Variants in SDK2 observed in about 807,000 individuals in gnomAD.
The protein encoded by SDK2 is protein sidekick-2.
Under a neutral mutation model 253.9 loss-of-function variants are expected in SDK2, and 105 were observed. The observed-to-expected ratio is 0.41, with a 90% CI of 0.35 to 0.49. SDK2 has a LOEUF of 0.49. Among genes scored for constraint, SDK2 ranks in the 20% least tolerant of loss-of-function variants. The probability of loss-of-function intolerance (pLI) is 0.06; values close to 1 mark genes in which losing one functional copy is unlikely to be tolerated. For missense variants in SDK2, 2,608 were observed against 3,003.0 expected, an observed-to-expected ratio of 0.87 and a Z score of 3.07; for synonymous variants, 1,249 against 1,234.9, an observed-to-expected ratio of 1.01 and a Z score of -0.24.
intron 6 of SDK2, 49 bp from the exon 7 acceptor site, chr17:73,438,203 G>C: frequency 6.7e-7 from 1 of 1,500,198 alleles, no homozygotes; most frequent in Non-Finnish European, 9.0e-7. Context: ...GACTCCCAGA[G>C]GCCTGAGAGG....
intron 44 of SDK2, 141 bp downstream of exon 44, chr17:73,348,458 T>G: frequency 9.8e-7 from 1 of 1,019,136 alleles, no homozygotes; most frequent in Non-Finnish European, 1.4e-6. Flanking sequence ...GGCCCATATA[T>G]GACTTCAGGG....
Position 73,552,058 on chromosome 17 carries a change from C to T in SDK2, c.65-44461G>A, listed in dbSNP as rs184802456. 2.9e-3 allele frequency among the ~76,000 whole-genome samples: 438 copies of T among 152,244 alleles called. 6 individuals are homozygous for T. Among genetic ancestry groups the T allele is most frequent in the East Asian group, 0.01 (52 of 5,180 alleles). On this transcript the variant is annotated intron_variant, in intron 1 of 44. Transcript: ENST00000392650. Reference sequence around the variant, plus strand: ...AGAGTCAGGCAGGTGCCGCTGCAGTCCCCACCGCCTGCCCCCCACCCCTCG... The same window carrying T: ...AGAGTCAGGCAGGTGCCGCTGCAGTTCCCACCGCCTGCCCCCCACCCCTCG...
chr17:73,531,220 A>G (rs2064166620), intron 1 of SDK2, among the ~76,000 whole-genome samples: 2 of 152,184 alleles, frequency 1.3e-5, no homozygotes, highest in Admixed American at 6.5e-5. Context: ...GAATAAGTCA[A>G]CTGTATTTTG....
chr17:73,394,127 G>T, intron 26 of SDK2, 82 bp downstream of exon 26: 1 of 798,380 alleles, frequency 1.3e-6, no homozygotes. Flanking sequence ...AGACCTAGAG[G>T]GTGATAAGGA....
chr17:73,379,475 G>A lies in SDK2; in HGVS notation c.4837C>T (p.Pro1613Ser), dbSNP rs2062812513. 1 of 1,610,884 alleles carries A rather than the reference G, an allele frequency of 6.2e-7. No individual in the cohort carries two copies. The highest frequency in any genetic ancestry group is 1.3e-5 in the African/African-American group (1 of 74,872). Reference protein sequence around the residue: ...NAVGEGPSSPPQEVFVGEAVP... With the variant: ...NAVGEGPSSPSQEVFVGEAVP... ...GCCTCCCCAACAAAGACCTCCTGCG[G>A]GGGGCTGGAGGGCCCCTCACCCACA... Residue 1613 changes from proline (P) to serine (S), a missense_variant, in exon 35 of 45, where the codon CCG becomes TCG. Physicochemically the swap from Pro to Ser is moderately conservative, Grantham distance 74. This residue lies in a region of SDK2 where 1,103 missense variants were observed against 1,143.9 expected (regional missense o/e 0.96). Coordinates refer to ENST00000392650, the MANE Select transcript of SDK2 (RefSeq NM_001144952.2). This position sits in a 1 kb window ranked among gnomAD's most constrained non-coding sequence, Gnocchi z 4.5.
In SDK2 at chr17:73,348,471, G is replaced by A. The variant is rs1227791045; in HGVS notation, c.6165+128C>T. The A allele has an allele frequency of 2.5e-6, 3 of 1,201,310 alleles. No individual in the cohort carries two copies. The African/African-American group carries it at 4.6e-5, about 18-fold the overall frequency. 74.4% of individuals were successfully genotyped at this position (1,201,310 alleles called of 1,614,324 possible). A position where few individuals can be genotyped will look rare whatever the true frequency, so the allele number is the denominator to read the frequency against. ...ATGGCCCATATATGACTTCAGGGTG[G>A]TTTCTTGGGCCCCTTAATATTTGCT... is the stretch of plus-strand genomic sequence containing the variant. On this transcript the variant is annotated intron_variant, in intron 44 of 44. Coordinates refer to ENST00000392650, the MANE Select transcript of SDK2 (RefSeq NM_001144952.2).
chr17:73,438,194 A>C, intron 6 of SDK2, 40 bp from the exon 7 acceptor site: 1 of 1,516,826 alleles, frequency 6.6e-7, no homozygotes, highest in East Asian at 2.5e-5. Context: ...AGCCATGAGG[A>C]CTCCCAGAGG....
At chr17:73,542,271 A>T (rs1352892640) in intron 1 of SDK2, among the ~76,000 whole-genome samples, 1 of 152,220 alleles carries the variant, frequency 6.6e-6, no homozygotes, top group East Asian at 1.9e-4. Context: ...AACAAAACTG[A>T]GGTTGTGACT....
chr17:73,423,708 A>G (rs1454050869), intron 13 of SDK2, among the ~76,000 whole-genome samples, 186 bp from the exon 14 acceptor site: 2 of 152,188 alleles, frequency 1.3e-5, no homozygotes, highest in Admixed American at 6.5e-5. Flanking sequence ...TGCTAAAGCC[A>G]TCCTCACACC....
chr17:73,583,167 C>A (rs555898489), intron 1 of SDK2, among the ~76,000 whole-genome samples: 15 of 152,344 alleles, frequency 9.8e-5, no homozygotes, highest in African/African-American at 3.6e-4. Context: ...CCTTATGGGA[C>A]CAATCACTGT....
At position 73,465,720 on chromosome 17, in the gene SDK2, A is replaced by G. The variant is rs957694877; in HGVS notation, c.331+6392T>C. Among the ~76,000 whole-genome samples the G allele has an allele frequency of 2.0e-5, 3 of 152,140 alleles. No homozygotes were observed. The highest frequency in any genetic ancestry group is 7.2e-5 in the African/African-American group (3 of 41,418). On this transcript the variant is annotated intron_variant, in intron 3 of 44. Coordinates refer to ENST00000392650, the MANE Select transcript of SDK2 (RefSeq NM_001144952.2). This position sits in a 1 kb window ranked among gnomAD's most constrained non-coding sequence, Gnocchi z 4.2. Reference sequence around the variant, plus strand: ...CATTAGTTGTTAGCACAGCTGCCTTATTAATTTCTCATTAGAACCCAATTC... The same window carrying G: ...CATTAGTTGTTAGCACAGCTGCCTTGTTAATTTCTCATTAGAACCCAATTC...
At position 73,636,345 on chromosome 17, in the gene SDK2, C is replaced by T. The variant is rs188045496; in HGVS notation, c.64+7680G>A. Among the ~76,000 whole-genome samples the T allele has an allele frequency of 3.2e-4, 48 of 151,902 alleles. 1 individual carries two copies. The highest frequency in any genetic ancestry group is 5.6e-4 in the Non-Finnish European group (38 of 67,966). ...CAGAACTGTGCACCAAACGTGAGCT[C>T]GGGATGGAAGGGAAGACAAAAAGAT... On this transcript the variant is annotated intron_variant, in intron 1 of 44. Coordinates refer to ENST00000392650, the MANE Select transcript of SDK2 (RefSeq NM_001144952.2).
chr17:73,420,736 C>A (rs2063222723), intron 15 of SDK2, among the ~76,000 whole-genome samples: 1 of 151,976 alleles, frequency 6.6e-6, no homozygotes, highest in South Asian at 2.1e-4. Flanking sequence ...AGTGCGGTGG[C>A]ACGATTTCAC....
chr17:73,398,004 G>A, intron 24 of SDK2, 31 bp downstream of exon 24: 1 of 1,604,114 alleles, frequency 6.2e-7, no homozygotes, highest in African/African-American at 1.3e-5. Context: ...CTCATGGAGA[G>A]GTCCCACCCC....
intron 5 of SDK2, among the ~76,000 whole-genome samples, chr17:73,446,793 GC>G (rs1156645557): frequency 2.6e-5 from 4 of 152,098 alleles, no homozygotes; most frequent in Non-Finnish European, 4.4e-5. Flanking sequence ...CTCTGGCCTC[GC>G]CCCACATACT....
At chr17:73,543,048 T>G (rs1282197028) in intron 1 of SDK2, among the ~76,000 whole-genome samples, 2 of 152,180 alleles carry the variant, frequency 1.3e-5, no homozygotes, top group Non-Finnish European at 2.9e-5. Context: ...GGGCGCAGTT[T>G]CCTCATCTGC....
rs2062673353 is a variant in SDK2, at chr17:73,365,181, G to A, written c.5305+77C>T. On this transcript the variant is annotated intron_variant, in intron 38 of 44. Transcript: ENST00000392650. ...CACCGAATCTCACTCATGTGTAGTG[G>A]CTGTGATGGGCGCTGAGATGAGAGC... 3.6e-6 allele frequency: 4 copies of A among 1,107,120 alleles called. No homozygotes were observed. The East Asian group carries it at 8.1e-5, about 22-fold the overall frequency. 68.6% of individuals were successfully genotyped at this position (1,107,120 alleles called of 1,614,324 possible).
In SDK2 at chr17:73,495,619, C is replaced by CGTGTGTGTGT. The variant is rs60091992; in HGVS notation, c.224+11809_224+11818dup. Among the ~76,000 whole-genome samples the CGTGTGTGTGT allele has an allele frequency of 6.8e-3, 1,003 of 148,516 alleles. 7 individuals carry two copies. The highest frequency in any genetic ancestry group is 0.024 in the Middle Eastern group (7 of 290). On this transcript the variant is annotated intron_variant, in intron 2 of 44. Coordinates refer to ENST00000392650, the MANE Select transcript of SDK2 (RefSeq NM_001144952.2). ...GCTGTTGGATATTGGAGGCCTGCCCCGTGTGTGTGTGTGTGTGTGTGTGTG... is the reference window on the plus strand; with the variant it reads ...GCTGTTGGATATTGGAGGCCTGCCCCGTGTGTGTGTGTGTGTGTGTGTGTGTGTGTGTGTG...
At chr17:73,454,964 A>G (rs1159498342) in intron 4 of SDK2, among the ~76,000 whole-genome samples, 1 of 152,110 alleles carries the variant, frequency 6.6e-6, no homozygotes, top group African/African-American at 2.4e-5. Flanking sequence ...CAGTCTCCCA[A>G]AGTGCTGGGA....
Sources: allele counts gnomAD v4.1 joint callset (sites outside exome capture counted in the v4.1 genomes callset), GRCh38; gene constraint gnomAD v4.1.1; regional missense constraint gnomAD v4.1.1; non-coding constraint Gnocchi (gnomAD v3.1); transcripts MANE v1.5; gene names NCBI Gene and HGNC (gene_info 2026-07-23, HGNC 2026-07-21).